Variants in BBOF1 observed in about 807,000 individuals in gnomAD.
BBOF1 encodes the protein basal body orientation factor 1.
A neutral mutation model predicts 68.0 loss-of-function variants in BBOF1; 62 were observed. The observed-to-expected ratio is 0.91, with a 90% confidence interval of 0.74 to 1.13. BBOF1 has a LOEUF of 1.13. Among genes scored for constraint, BBOF1 ranks in the 50% most tolerant of loss-of-function variants. The probability of loss-of-function intolerance (pLI) is 0.00; values close to 1 mark genes in which losing one functional copy is unlikely to be tolerated. For missense variants in BBOF1, 534 were observed against 600.1 expected, an observed-to-expected ratio of 0.89 and a Z score of 1.15; for synonymous variants, 208 against 198.8, an observed-to-expected ratio of 1.05 and a Z score of -0.39.
chr14:74,022,656 C>T lies in BBOF1; in HGVS notation c.57-260C>T, dbSNP rs188519603. 1.4e-3 allele frequency among the ~76,000 whole-genome samples: 213 copies of T among 152,300 alleles called. 1 individual carries two copies. Among genetic ancestry groups the T allele is most frequent in the East Asian group, 1.9e-4 (1 of 5,186 alleles). On this transcript the variant is annotated intron_variant, in intron 1 of 11. Coordinates refer to ENST00000394009, the MANE Select transcript of BBOF1 (RefSeq NM_025057.3). ...AGTTATGCTCCAGGACTCCCCTCCT[C>T]CAGGAAGAGGCACTTACTTAATTAT...
chr14:74,061,562 GTGATCCGC>G (rs2139732508), intron 11 of BBOF1, among the ~76,000 whole-genome samples: 1 of 149,946 alleles, frequency 6.7e-6, no homozygotes, highest in East Asian at 2.2e-4. Flanking sequence ...CTGACCTCAG[GTGATCCGC>G]CAGTCTTGGT....
At chr14:74,033,216 A>T (rs898692755) in intron 3 of BBOF1, among the ~76,000 whole-genome samples, 6 of 151,992 alleles carry the variant, frequency 3.9e-5, no homozygotes, top group African/African-American at 1.5e-4. Flanking sequence ...CTTTTCCAAA[A>T]TTTTTTTCTT....
chr14:74,067,707 T>C (rs1280708069), downstream of BBOF1: 8 of 923,848 alleles, frequency 8.7e-6, no homozygotes, highest in Non-Finnish European at 1.4e-5. Flanking sequence ...AAGGATAACT[T>C]GAGGTCAGGA....
intron 2 of BBOF1, among the ~76,000 whole-genome samples, chr14:74,028,505 CACACACAAAT>C (rs1272454381): frequency 6.3e-5 from 7 of 111,526 alleles, no homozygotes; most frequent in African/African-American, 2.5e-4. Context: ...CACACACACA[CACACACAAAT>C]AGAGGGAAAG....
intron 7 of BBOF1, 116 bp downstream of exon 7, chr14:74,048,190 G>C (rs530489602): frequency 2.1e-6 from 2 of 938,206 alleles, no homozygotes; most frequent in Non-Finnish European, 3.1e-6. Context: ...ATTTTCATCT[G>C]TCTGGATGAT....
chr14:74,043,346 C>T (rs2059871594), intron 5 of BBOF1, among the ~76,000 whole-genome samples: 1 of 149,724 alleles, frequency 6.7e-6, no homozygotes, highest in Non-Finnish European at 1.5e-5. Flanking sequence ...GTCAGGAGAT[C>T]GAGACCATCC....
At chr14:74,047,182 G>C (rs2059969463) in intron 6 of BBOF1, among the ~76,000 whole-genome samples, 1 of 152,160 alleles carries the variant, frequency 6.6e-6, no homozygotes. Flanking sequence ...ATTAGTGGAA[G>C]TACATCTAAC....
At position 74,052,180 on chromosome 14, in the gene BBOF1, A is replaced by C. The variant is rs192689796; in HGVS notation, c.1286+1985A>C. Among the ~76,000 whole-genome samples, 241 of 151,436 alleles carry C rather than the reference A, an allele frequency of 1.6e-3. 7 individuals are homozygous for C. Among genetic ancestry groups the C allele is most frequent in the African/African-American group, 5.7e-3 (233 of 40,740 alleles). On this transcript the variant is annotated intron_variant, in intron 8 of 11. Transcript: ENST00000394009. The stretch of plus-strand genomic sequence containing the variant: ...CTTTATATCCTTTTGTTTACGAAAT[A>C]GTAAGTGTTATACATTTTCAGAGGA...
intron 5 of BBOF1, among the ~76,000 whole-genome samples, chr14:74,043,515 A>G (rs1439179413): frequency 3.1e-5 from 4 of 131,040 alleles, no homozygotes; most frequent in African/African-American, 1.1e-4. Flanking sequence ...GCGCCACTGC[A>G]GTCCGCAGTC....
At chr14:74,047,362 C>A (rs1030606658) in intron 6 of BBOF1, among the ~76,000 whole-genome samples, 5 of 152,064 alleles carry the variant, frequency 3.3e-5, no homozygotes, top group African/African-American at 9.7e-5. Context: ...GAGACTCATA[C>A]CTGCTCTTAA....
At chr14:74,067,609 C>T (rs770439118), downstream of BBOF1, 1 of 1,600,234 alleles carries the variant, frequency 6.2e-7, no homozygotes, top group South Asian at 1.1e-5. Flanking sequence ...CTTCCTTGGC[C>T]AAATACAACT....
At chr14:74,080,788 G>A (rs2060661753) in intron 10 of BBOF1, among the ~76,000 whole-genome samples, 1 of 152,088 alleles carries the variant, frequency 6.6e-6, no homozygotes, top group Non-Finnish European at 1.5e-5. Context: ...TAATCAGAGG[G>A]TCTTTCTGAA....
At chr14:74,027,949 T>C (rs1426427008) in intron 2 of BBOF1, among the ~76,000 whole-genome samples, 2 of 152,156 alleles carry the variant, frequency 1.3e-5, no homozygotes, top group African/African-American at 2.4e-5. Flanking sequence ...AAGGACATTA[T>C]TGGGATAATT....
At chr14:74,056,649 A>G (rs1411819351) in intron 9 of BBOF1, among the ~76,000 whole-genome samples, 1 of 152,082 alleles carries the variant, frequency 6.6e-6, no homozygotes, top group Non-Finnish European at 1.5e-5. Flanking sequence ...TATACATTTT[A>G]AAATAACTAA....
intron 11 of BBOF1, among the ~76,000 whole-genome samples, chr14:74,062,820 C>T (rs68148895): frequency 0.24 from 36,649 of 151,970 alleles, 4,993 homozygotes; most frequent in South Asian, 0.46. Flanking sequence ...AAAAAAAAAT[C>T]AACCTATAAA....
chr14:74,041,165 T>C (rs745901989), intron 5 of BBOF1, among the ~76,000 whole-genome samples: 3 of 152,088 alleles, frequency 2.0e-5, no homozygotes, highest in African/African-American at 4.8e-5. Flanking sequence ...CAGCCGGGCA[T>C]GGTGGCACAT....
intron 11 of BBOF1, chr14:74,057,464 T>C: frequency 6.9e-7 from 1 of 1,447,336 alleles, no homozygotes; most frequent in Non-Finnish European, 9.1e-7. Context: ...TGCAAATGTG[T>C]GCCTCTTTTT....
At chr14:74,060,884 G>T (rs1488387725) in intron 11 of BBOF1, 1 of 683,242 alleles carries the variant, frequency 1.5e-6, no homozygotes, top group East Asian at 2.7e-5. Flanking sequence ...AATATATATT[G>T]TTCCTAAGAT....
chr14:74,053,419 T>C (rs151039394), intron 8 of BBOF1, among the ~76,000 whole-genome samples: 1 of 151,510 alleles, frequency 6.6e-6, no homozygotes, highest in Non-Finnish European at 1.5e-5. Flanking sequence ...CCGACTTTTT[T>C]ATTTTTTTGA....
Sources: gnomAD v4.1 joint callset for allele counts (sites outside exome capture counted in the v4.1 genomes callset) on GRCh38, gnomAD v4.1.1 for gene constraint, MANE v1.5 for transcripts, NCBI Gene and HGNC (gene_info 2026-07-23, HGNC 2026-07-21) for gene names.